Variants in CFAP77 observed in about 807,000 individuals in gnomAD.
The protein encoded by CFAP77 is cilia- and flagella-associated protein 77.
CFAP77 carries 25 observed loss-of-function variants against 31.1 expected under a neutral mutation model. The ratio of observed to expected loss-of-function variants is 0.80; its 90% CI spans 0.59 to 1.12. The LOEUF (loss-of-function observed/expected upper bound fraction) is 1.12, where lower values mean the gene tolerates loss of function less well. Ranked by LOEUF, CFAP77 falls within the 50% of genes most tolerant of loss-of-function variation. CFAP77 has a pLI of 0.00. For missense variants in CFAP77, 377 were observed against 397.3 expected (o/e 0.95, Z 0.44); for synonymous variants, 151 against 159.9 (o/e 0.94, Z 0.42).
In CFAP77 at chr9:132,531,627, G is replaced by C. The variant is rs527659812; in HGVS notation, c.525-5974G>C. On this transcript the variant is annotated intron_variant, in intron 3 of 5. Transcript: ENST00000393216. ...GAGTCTGGGCTTAGGCTAAGACATG[G>C]GGGGGGGGGCATGGAAGGCATTTTA... Among the ~76,000 whole-genome samples the C allele has an allele frequency of 1.2e-3, 175 of 144,346 alleles. 2 individuals are homozygous for C. The highest frequency in any genetic ancestry group is 5.4e-3 in the South Asian group (24 of 4,460). 94.7% of individuals were successfully genotyped at this position (144,346 alleles called of 152,430 possible). A position where few individuals can be genotyped will look rare whatever the true frequency, so the allele number is the denominator to read the frequency against.
chr9:132,475,984 C>T (rs917849654), intron 1 of CFAP77, among the ~76,000 whole-genome samples: 12 of 152,240 alleles, frequency 7.9e-5, no homozygotes, highest in Non-Finnish European at 2.9e-5. Context: ...TTTGCCGCTG[C>T]CTGCATTTCT....
chr9:132,476,406 C>T (rs970982705), intron 1 of CFAP77, among the ~76,000 whole-genome samples: 6 of 152,122 alleles, frequency 3.9e-5, no homozygotes, highest in Non-Finnish European at 7.4e-5. Context: ...TTATGTCTGT[C>T]TTCAAGCTCT....
intron 1 of CFAP77, among the ~76,000 whole-genome samples, chr9:132,412,583 T>TG (rs869044220): frequency 2.1e-4 from 1 of 4,690 alleles, no homozygotes; most frequent in African/African-American, 2.3e-4. Context: ...ACCTCTGTTG[T>TG]TTTTTTTGGG....
In CFAP77 at chr9:132,458,357, G is replaced by GGGGGGGTGGGGT. The variant is rs139008147; in HGVS notation, c.196-40337_196-40336insGGGGGTGGGGTG. On this transcript the variant is annotated intron_variant, in intron 1 of 5. Coordinates refer to ENST00000393216, the MANE Select transcript of CFAP77 (RefSeq NM_001282957.2). Reference sequence around the variant, plus strand: ...GTCTCCCTGGCGGGGGAGGGGGGGGGGTGTGTATGGAAGGCTCAGCTCATC... The same window carrying GGGGGGGTGGGGT: ...GTCTCCCTGGCGGGGGAGGGGGGGGGGGGGGGTGGGGTGTGTGTATGGAAGGCTCAGCTCATC... Among the ~76,000 whole-genome samples the GGGGGGGTGGGGT allele has an allele frequency of 6.9e-4, 82 of 119,006 alleles. 1 individual carries two copies. Among genetic ancestry groups the GGGGGGGTGGGGT allele is most frequent in the Non-Finnish European group, 9.7e-4 (56 of 57,826 alleles). 78.1% of individuals were successfully genotyped at this position (119,006 alleles called of 152,430 possible).
At chr9:132,509,422 C>G (rs894361276) in intron 3 of CFAP77, among the ~76,000 whole-genome samples, 1 of 152,210 alleles carries the variant, frequency 6.6e-6, no homozygotes, top group Admixed American at 6.5e-5. Flanking sequence ...CTCCTCAAGG[C>G]CTGCCTGCTT....
intron 3 of CFAP77, among the ~76,000 whole-genome samples, chr9:132,531,211 T>G (rs965182737): frequency 6.6e-6 from 1 of 152,210 alleles, no homozygotes; most frequent in Non-Finnish European, 1.5e-5. Context: ...CCGCCATGTG[T>G]CCTCTCTTTC....
At chr9:132,414,134 G>T (rs1850057657) in intron 1 of CFAP77, among the ~76,000 whole-genome samples, 1 of 152,240 alleles carries the variant, frequency 6.6e-6, no homozygotes, top group Non-Finnish European at 1.5e-5. Flanking sequence ...ATCCAGATTG[G>T]TGACATCATG....
rs184363361 is a variant in CFAP77 at position 132,456,317 on chromosome 9, T to G, written c.196-42378T>G. Among the ~76,000 whole-genome samples the G allele has an allele frequency of 2.0e-5, 3 of 152,308 alleles. No individual in the cohort carries two copies. The East Asian group carries it at 5.8e-4, about 29-fold the overall frequency. ...CCCATCTTGACATCTGCTGCCCCTC[T>G]CCCAGCCTCATGTGCCTTGTCACGT... On this transcript the variant is annotated intron_variant, in intron 1 of 5. Transcript: ENST00000393216.
At chr9:132,563,614 T>A (rs868127271) in intron 5 of CFAP77, among the ~76,000 whole-genome samples, 8 of 152,224 alleles carry the variant, frequency 5.3e-5, no homozygotes, top group Admixed American at 3.9e-4. Flanking sequence ...TAGTGGACAT[T>A]TCTGAGAATT....
chr9:132,515,237 T>C (rs2119004200), intron 3 of CFAP77, among the ~76,000 whole-genome samples: 1 of 152,330 alleles, frequency 6.6e-6, no homozygotes, highest in South Asian at 2.1e-4. Flanking sequence ...TTATTCACTC[T>C]TCAGACAGAG....
intron 1 of CFAP77, among the ~76,000 whole-genome samples, chr9:132,483,650 A>G (rs1377339649): frequency 6.6e-6 from 1 of 151,856 alleles, no homozygotes; most frequent in East Asian, 1.9e-4. Context: ...ATGCTTCCCC[A>G]GCTCCCACCA....
intron 1 of CFAP77, 78 bp downstream of exon 1, chr9:132,410,544 C>A: frequency 7.8e-7 from 1 of 1,276,988 alleles, no homozygotes; most frequent in Non-Finnish European, 1.0e-6. Context: ...CCACCCGCAG[C>A]GCCCTGGCCC....
intron 5 of CFAP77, 71 bp from the exon 6 acceptor site, chr9:132,572,317 C>A: frequency 6.6e-7 from 1 of 1,512,864 alleles, no homozygotes; most frequent in Non-Finnish European, 8.9e-7. Context: ...AGGGGGCAGG[C>A]GAGGGGAGCA....
chr9:132,486,699 G>A (rs953054161), intron 1 of CFAP77, among the ~76,000 whole-genome samples: 2 of 152,254 alleles, frequency 1.3e-5, no homozygotes, highest in East Asian at 3.8e-4. Flanking sequence ...GACTCCGAGC[G>A]GATGCATCCC....
intron 1 of CFAP77, among the ~76,000 whole-genome samples, chr9:132,473,205 C>T (rs965217102): frequency 1.3e-5 from 2 of 152,118 alleles, no homozygotes; most frequent in Non-Finnish European, 2.9e-5. Context: ...AATCTGTTCA[C>T]GAGGGATCTG....
intron 5 of CFAP77, among the ~76,000 whole-genome samples, chr9:132,546,254 CAG>C (rs1227770852): frequency 3.3e-5 from 5 of 152,196 alleles, no homozygotes; most frequent in Admixed American, 1.3e-4. Flanking sequence ...GGCCTGGACT[CAG>C]GGGTCCGGGC....
At chr9:132,522,776 G>A (rs1302061607) in intron 3 of CFAP77, among the ~76,000 whole-genome samples, 1 of 152,172 alleles carries the variant, frequency 6.6e-6, no homozygotes, top group African/African-American at 2.4e-5. Flanking sequence ...GGTGCTTTGT[G>A]GTGGAAAACA....
At chr9:132,524,344 C>T (rs1252371796) in intron 3 of CFAP77, among the ~76,000 whole-genome samples, 1 of 151,278 alleles carries the variant, frequency 6.6e-6, no homozygotes, top group Non-Finnish European at 1.5e-5. Flanking sequence ...TTCATGCCTG[C>T]AATCCCAGCA....
chr9:132,443,048 A>G (rs774313211), intron 1 of CFAP77, among the ~76,000 whole-genome samples: 5 of 152,154 alleles, frequency 3.3e-5, no homozygotes, highest in Non-Finnish European at 7.4e-5. Context: ...GATATTGTAT[A>G]TAAAGGGAAT....
Sources: gnomAD v4.1 joint callset for allele counts (sites outside exome capture counted in the v4.1 genomes callset) on GRCh38, gnomAD v4.1.1 for gene constraint, MANE v1.5 for transcripts, NCBI Gene and HGNC (gene_info 2026-07-23, HGNC 2026-07-21) for gene names.